The following REPS1 variants were observed in gnomAD, a reference collection of about 807,000 sequenced individuals.
The protein encoded by REPS1 is RALBP1 associated Eps domain containing 1.
In REPS1, 39 loss-of-function variants were observed where a neutral mutation model predicts 100.9. That is an observed-to-expected ratio of 0.39 (90% CI 0.30 to 0.50). The LOEUF (loss-of-function observed/expected upper bound fraction) is 0.50. REPS1 is among the 20% of genes least tolerant of loss of function. The probability of loss-of-function intolerance (pLI) is 0.86; values close to 1 mark genes in which losing one functional copy is unlikely to be tolerated. For synonymous variants in REPS1, 324 were observed against 340.3 expected, an observed-to-expected ratio of 0.95 and a Z score of 0.53; for missense variants, 821 against 968.5, an observed-to-expected ratio of 0.85 and a Z score of 2.02.
intron 10 of REPS1, 90 bp downstream of exon 10, chr6:138,926,311 G>A (rs1781120715): frequency 1.1e-6 from 1 of 944,660 alleles, no homozygotes; most frequent in Non-Finnish European, 1.7e-6. Flanking sequence ...GCACTCCACT[G>A]AATCATGCAT....
intron 1 of REPS1, among the ~76,000 whole-genome samples, chr6:138,953,767 C>T (rs891222358): frequency 1.3e-5 from 2 of 151,642 alleles, no homozygotes; most frequent in African/African-American, 4.8e-5. Flanking sequence ...GTTATAACCA[C>T]TATGGAGAAC....
chr6:138,979,180 C>CAA (rs568626153), intron 1 of REPS1, among the ~76,000 whole-genome samples: 13,481 of 59,072 alleles, frequency 0.23, 1,638 homozygotes, highest in South Asian at 0.28. Flanking sequence ...GAATCCATCA[C>CAA]AAAAAAAAAA....
intron 8 of REPS1, among the ~76,000 whole-genome samples, chr6:138,930,529 G>A (rs374109339): frequency 7.9e-5 from 12 of 152,090 alleles, no homozygotes; most frequent in East Asian, 7.7e-4. Context: ...TGGAGCATCC[G>A]TATGCACATT....
intron 8 of REPS1, among the ~76,000 whole-genome samples, chr6:138,935,138 G>C (rs1781724926): frequency 6.6e-6 from 1 of 152,092 alleles, no homozygotes; most frequent in South Asian, 2.1e-4. Context: ...GACCTTATGA[G>C]GGTCTATGAA....
chr6:138,979,180 C>CAAAAAAAAAAAAAAAAAAAA (rs568626153), intron 1 of REPS1, among the ~76,000 whole-genome samples: 9 of 59,328 alleles, frequency 1.5e-4, no homozygotes, highest in Non-Finnish European at 2.3e-4. Context: ...GAATCCATCA[C>CAAAAAAAAAAAAAAAAAAAA]AAAAAAAAAA....
chr6:138,915,096 T>TCA, intron 14 of REPS1: 1 of 248,874 alleles, frequency 4.0e-6, no homozygotes, highest in Non-Finnish European at 7.6e-6. Context: ...ATTTTCCCTT[T>TCA]CACTTAACAC....
chr6:138,971,734 A>C (rs778289178), intron 1 of REPS1, among the ~76,000 whole-genome samples: 3 of 152,144 alleles, frequency 2.0e-5, no homozygotes, highest in Admixed American at 2.0e-4. Context: ...TTCTCTTCTC[A>C]TGCCCAGAAT....
intron 12 of REPS1, among the ~76,000 whole-genome samples, chr6:138,918,361 T>C (rs1392039683): frequency 1.3e-5 from 2 of 152,324 alleles, no homozygotes; most frequent in East Asian, 3.9e-4. Flanking sequence ...CCATTCTACA[T>C]ATCAGAGAGC....
intron 18 of REPS1, among the ~76,000 whole-genome samples, chr6:138,907,978 C>A (rs1401479830): frequency 6.6e-6 from 1 of 151,810 alleles, no homozygotes; most frequent in Admixed American, 6.6e-5. Context: ...TCTATTTTTT[C>A]TTCTCTCTTC....
In REPS1 at chr6:138,938,660, T is replaced by C. The variant is rs1782023840; in HGVS notation, c.1135+2675A>G. On this transcript the variant is annotated intron_variant, in intron 8 of 19. Transcript: ENST00000450536. ...GGAAAAAAAACAAAACAGGATTTAG[T>C]GTGGTATGTTTCAGTAATTAGCATG... Among the ~76,000 whole-genome samples, 4 of 152,180 alleles carry C rather than the reference T, an allele frequency of 2.6e-5. No individual in the cohort carries two copies. The South Asian group carries it at 6.2e-4, about 24-fold the overall frequency.
intron 7 of REPS1, 39 bp from the exon 8 acceptor site, chr6:138,941,528 C>T (rs370522951): frequency 1.2e-5 from 19 of 1,557,622 alleles, no homozygotes; most frequent in Non-Finnish European, 1.7e-5. Context: ...TCACATTCCG[C>T]TTTGGATCCT....
At chr6:138,921,182 G>T in intron 10 of REPS1, 58 bp from the exon 11 acceptor site, 1 of 1,159,818 alleles carries the variant, frequency 8.6e-7, no homozygotes, top group Non-Finnish European at 1.3e-6. Context: ...CTAATGCCAT[G>T]CAATAATCAA....
At chr6:138,973,884 TA>T (rs1247374633) in intron 1 of REPS1, among the ~76,000 whole-genome samples, 1 of 152,082 alleles carries the variant, frequency 6.6e-6, no homozygotes, top group East Asian at 1.9e-4. Context: ...TAAGCAAACA[TA>T]TTTTTGGGGA....
Position 138,905,037 on chromosome 6 carries a change from G to A in REPS1, c.*27C>T. 1 of 1,611,290 alleles carries A rather than the reference G, an allele frequency of 6.2e-7. No individual in the cohort carries two copies. Among genetic ancestry groups the A allele is most frequent in the Non-Finnish European group, 8.5e-7 (1 of 1,177,740 alleles). On this transcript the variant is annotated 3_prime_UTR_variant, in exon 20 of 20. Coordinates refer to ENST00000450536, the MANE Select transcript of REPS1 (RefSeq NM_001286611.2). ...TGAACCCAAAACCACTTAAAAACAA[G>A]TATGTTCACAGTTAACGGCAATTGG...
intron 16 of REPS1, 160 bp downstream of exon 16, chr6:138,912,605 C>G (rs1412243397): frequency 1.4e-6 from 1 of 701,168 alleles, no homozygotes; most frequent in Non-Finnish European, 2.5e-6. Flanking sequence ...AAGCATTACA[C>G]TGCAACCAGC....
intron 1 of REPS1, among the ~76,000 whole-genome samples, chr6:138,968,237 A>G (rs1454304901): frequency 6.6e-6 from 1 of 152,216 alleles, no homozygotes; most frequent in African/African-American, 2.4e-5. Context: ...TTAAACTTCA[A>G]CTTAAAAACT....
At chr6:138,920,915 C>T in intron 11 of REPS1, 122 bp downstream of exon 11, 1 of 684,452 alleles carries the variant, frequency 1.5e-6, no homozygotes, top group East Asian at 2.7e-5. Flanking sequence ...TGAACATATA[C>T]ATAATTGTAG....
At chr6:138,947,591 T>C (rs1782725335) in intron 2 of REPS1, among the ~76,000 whole-genome samples, 199 bp downstream of exon 2, 1 of 152,186 alleles carries the variant, frequency 6.6e-6, no homozygotes, top group African/African-American at 2.4e-5. Context: ...GTACATATAC[T>C]ATGCCGTAAT....
intron 8 of REPS1, among the ~76,000 whole-genome samples, chr6:138,931,191 A>G (rs944901646): frequency 2.6e-5 from 4 of 152,200 alleles, no homozygotes; most frequent in African/African-American, 7.2e-5. Context: ...TGTTAGCACT[A>G]TACTTCAGAT....
Sources: allele counts gnomAD v4.1 joint callset (sites outside exome capture counted in the v4.1 genomes callset), GRCh38; gene constraint gnomAD v4.1.1; transcripts MANE v1.5; gene names NCBI Gene and HGNC (gene_info 2026-07-23, HGNC 2026-07-21).